Variants in ADK observed in about 807,000 individuals in gnomAD.
ADK encodes adenosine kinase, also known as N6,N6-dimethyladenosine kinase.
In ADK, 24 loss-of-function variants were observed where a neutral mutation model predicts 44.7. The ratio of observed to expected loss-of-function variants is 0.54; its 90% CI spans 0.39 to 0.76. The LOEUF (loss-of-function observed/expected upper bound fraction) is 0.76. Ranked by LOEUF, ADK falls within the 30% of genes least tolerant of loss-of-function variation. The pLI is 0.00. For synonymous variants in ADK, 128 were observed against 142.6 expected (o/e 0.90, Z 0.73); for missense variants, 321 against 425.1 (o/e 0.76, Z 2.15).
chr10:74,543,135 C>T (rs921695467), intron 7 of ADK, among the ~76,000 whole-genome samples: 3 of 151,628 alleles, frequency 2.0e-5, no homozygotes, highest in Non-Finnish European at 4.4e-5. Context: ...CTCCTGTCCT[C>T]GTGATCCTCC....
intron 7 of ADK, among the ~76,000 whole-genome samples, chr10:74,547,412 T>A (rs1849859992): frequency 1.4e-5 from 2 of 147,914 alleles, no homozygotes; most frequent in Admixed American, 6.7e-5. Context: ...AAATAGATTT[T>A]ACATCATTTT....
chr10:74,478,539 T>A (rs1002855133), intron 6 of ADK, among the ~76,000 whole-genome samples: 1 of 152,204 alleles, frequency 6.6e-6, no homozygotes, highest in Admixed American at 6.5e-5. Context: ...TAAATGATAC[T>A]TTGAAGAACC....
chr10:74,435,015 G>A (rs1177826510), intron 6 of ADK, among the ~76,000 whole-genome samples: 4 of 152,128 alleles, frequency 2.6e-5, no homozygotes, highest in Admixed American at 6.5e-5. Context: ...AAATAACTTG[G>A]CCTTCACCTC....
chr10:74,516,911 A>C (rs532295143), intron 6 of ADK: 1 of 170,356 alleles, frequency 5.9e-6, no homozygotes, highest in African/African-American at 2.4e-5. Context: ...ACTGGGAAGA[A>C]AAAGAGGTTT....
At chr10:74,224,132 C>G (rs1259257101) in intron 2 of ADK, among the ~76,000 whole-genome samples, 10 of 152,128 alleles carry the variant, frequency 6.6e-5, no homozygotes, top group Non-Finnish European at 8.8e-5. Flanking sequence ...TTTTCTTTCC[C>G]TCCTGTGTCA....
intron 3 of ADK, among the ~76,000 whole-genome samples, chr10:74,306,118 A>T (rs1444668415): frequency 6.6e-6 from 1 of 151,538 alleles, no homozygotes. Context: ...ATTGTCCTAT[A>T]GGTCTGAGTC....
chr10:74,542,046 G>A (rs1246207450), intron 7 of ADK, among the ~76,000 whole-genome samples: 3 of 152,070 alleles, frequency 2.0e-5, no homozygotes, highest in Non-Finnish European at 4.4e-5. Flanking sequence ...TTCAAGACCA[G>A]CCTGGGCAAC....
intron 3 of ADK, among the ~76,000 whole-genome samples, chr10:74,238,329 G>C (rs1845053865): frequency 6.6e-6 from 1 of 152,120 alleles, no homozygotes; most frequent in Non-Finnish European, 1.5e-5. Context: ...AAAAATTAGA[G>C]CTCCACTGGC....
intron 2 of ADK, 53 bp from the exon 3 acceptor site, chr10:74,224,485 T>G: frequency 6.9e-7 from 1 of 1,455,000 alleles, no homozygotes; most frequent in Non-Finnish European, 9.6e-7. Flanking sequence ...TCAGCTAACT[T>G]ACGTTGACAC....
chr10:74,691,675 G>A (rs183462937), intron 10 of ADK, among the ~76,000 whole-genome samples: 1 of 148,590 alleles, frequency 6.7e-6, no homozygotes, highest in Admixed American at 6.9e-5. Context: ...GTCTTCTGAA[G>A]ACCATAAACA....
At chr10:74,257,436 T>C (rs1384206591) in intron 3 of ADK, among the ~76,000 whole-genome samples, 1 of 152,220 alleles carries the variant, frequency 6.6e-6, no homozygotes, top group African/African-American at 2.4e-5. Context: ...TATTCAAAGT[T>C]TCATAATAAT....
chr10:74,651,808 A>G (rs1449000622), intron 9 of ADK, among the ~76,000 whole-genome samples: 1 of 152,158 alleles, frequency 6.6e-6, no homozygotes, highest in East Asian at 1.9e-4. Flanking sequence ...TGACAGTTAA[A>G]AGAGGTGGAT....
chr10:74,341,870 T>C (rs192720022), intron 4 of ADK, among the ~76,000 whole-genome samples: 1 of 152,320 alleles, frequency 6.6e-6, no homozygotes, highest in East Asian at 1.9e-4. Context: ...GTTATTGCTA[T>C]GTGTGTATTT....
chr10:74,344,663 G>T, intron 4 of ADK: 1 of 184,932 alleles, frequency 5.4e-6, no homozygotes, highest in Non-Finnish European at 1.2e-5. Context: ...AAAGTGTTCT[G>T]AACAGGCTGG....
At chr10:74,512,518 A>G (rs1296776291) in intron 6 of ADK, among the ~76,000 whole-genome samples, 1 of 150,280 alleles carries the variant, frequency 6.7e-6, no homozygotes, top group African/African-American at 2.4e-5. Context: ...GGTTTTACGT[A>G]TCCAGGAATG....
At chr10:74,389,598 A>C (rs1370321595) in intron 4 of ADK, among the ~76,000 whole-genome samples, 1 of 152,040 alleles carries the variant, frequency 6.6e-6, no homozygotes, top group Non-Finnish European at 1.5e-5. Flanking sequence ...CTGTAAAAAA[A>C]CTGAATTTTT....
At chr10:74,239,006 G>A (rs1845091226) in intron 3 of ADK, among the ~76,000 whole-genome samples, 1 of 151,726 alleles carries the variant, frequency 6.6e-6, no homozygotes, top group Non-Finnish European at 1.5e-5. Context: ...GATTACAGGG[G>A]CCAGCCACCA....
At chr10:74,285,762 A>G (rs1847140347) in intron 3 of ADK, among the ~76,000 whole-genome samples, 1 of 152,202 alleles carries the variant, frequency 6.6e-6, no homozygotes, top group African/African-American at 2.4e-5. Context: ...GAAACGTGTC[A>G]GTGGGATTAA....
rs140120443 is a variant in ADK, at chr10:74,400,142, T to G, written c.555+1563T>G. Reference sequence around the variant, plus strand: ...TTTTGTACAGCATAAAGTGATCAGCTTTTGGTGAAATTAATAAGGCAAATG... The same window carrying G: ...TTTTGTACAGCATAAAGTGATCAGCGTTTGGTGAAATTAATAAGGCAAATG... On this transcript the variant is annotated intron_variant, in intron 6 of 10. Transcript: ENST00000539909. Among the ~76,000 whole-genome samples the G allele has an allele frequency of 1.5e-4, 23 of 152,258 alleles. No individual in the cohort carries two copies. In the East Asian group the frequency reaches 4.4e-3, roughly 29 times the overall value.
Sources: gnomAD v4.1 joint callset for allele counts (sites outside exome capture counted in the v4.1 genomes callset) on GRCh38, gnomAD v4.1.1 for gene constraint, MANE v1.5 for transcripts, NCBI Gene and HGNC (gene_info 2026-07-23, HGNC 2026-07-21) for gene names.